LINGO2: variants seen among roughly 807,000 people sequenced by gnomAD.
The protein encoded by LINGO2 is leucine-rich repeat and immunoglobulin-like domain-containing nogo receptor-interacting protein 2.
A neutral mutation model predicts 30.6 loss-of-function variants in LINGO2; 14 were observed. That is an observed-to-expected ratio of 0.46 (90% CI 0.30 to 0.72). The LOEUF (loss-of-function observed/expected upper bound fraction) is 0.72, where lower values mean the gene tolerates loss of function less well. Ranked by LOEUF, LINGO2 falls within the 30% of genes least tolerant of loss-of-function variation. The probability of loss-of-function intolerance (pLI) is 0.07; values close to 1 mark genes in which losing one functional copy is unlikely to be tolerated. For missense variants in LINGO2, 729 were observed against 751.7 expected, an observed-to-expected ratio of 0.97 and a Z score of 0.35; for synonymous variants, 317 against 288.5, an observed-to-expected ratio of 1.10 and a Z score of -1.00.
chr9:28,556,365 G>C (rs1429009225), intron 1 of LINGO2, among the ~76,000 whole-genome samples: 5 of 151,966 alleles, frequency 3.3e-5, no homozygotes, highest in Non-Finnish European at 5.9e-5. Context: ...GACAAACAGA[G>C]AGCCAAATCA....
the LINGO2 span, among the ~76,000 whole-genome samples, chr9:28,795,664 CTG>C: frequency 0.015 from 2,250 of 151,926 alleles, 47 homozygotes; most frequent in African/African-American, 0.05. Flanking sequence ...AATATAAAGA[CTG>C]TGCATCCATA....
At chr9:29,068,386 C>T in the LINGO2 span, among the ~76,000 whole-genome samples, 1 of 151,348 alleles carries the variant, frequency 6.6e-6, no homozygotes, top group Admixed American at 6.6e-5. Flanking sequence ...TTTTTTAAAC[C>T]ACAAATACTA....
intron 4 of LINGO2, among the ~76,000 whole-genome samples, chr9:28,211,413 T>A (rs2133860147): frequency 6.6e-6 from 1 of 150,452 alleles, no homozygotes; most frequent in Admixed American, 6.7e-5. Flanking sequence ...ATACACACAA[T>A]AATTTTAAAG....
chr9:29,044,688 AT>A, the LINGO2 span, among the ~76,000 whole-genome samples: 6 of 152,148 alleles, frequency 3.9e-5, no homozygotes, highest in South Asian at 1.2e-3. Context: ...AGTAACCTAA[AT>A]TTTTAAATAT....
the LINGO2 span, among the ~76,000 whole-genome samples, chr9:28,792,299 C>T: frequency 6.6e-6 from 1 of 151,906 alleles, no homozygotes; most frequent in Non-Finnish European, 1.5e-5. Flanking sequence ...GGAAAATGGA[C>T]ACTGATTATT....
At chr9:28,858,821 G>A in the LINGO2 span, among the ~76,000 whole-genome samples, 1 of 152,042 alleles carries the variant, frequency 6.6e-6, no homozygotes, top group Non-Finnish European at 1.5e-5. Context: ...AGAATTGAAT[G>A]GGAAGGTTAT....
chr9:28,390,809 G>A (rs191747177), intron 2 of LINGO2, among the ~76,000 whole-genome samples: 7 of 152,222 alleles, frequency 4.6e-5, no homozygotes, highest in Non-Finnish European at 7.4e-5. Context: ...AGACATTATC[G>A]TGATGCTCTT....
At chr9:28,882,363 T>C in the LINGO2 span, among the ~76,000 whole-genome samples, 1 of 152,172 alleles carries the variant, frequency 6.6e-6, no homozygotes. Context: ...GTCCTGAGTT[T>C]GAACTCCAGC....
chr9:28,220,045 T>G (rs1483793000), intron 4 of LINGO2, among the ~76,000 whole-genome samples: 1 of 152,156 alleles, frequency 6.6e-6, no homozygotes, highest in African/African-American at 2.4e-5. Flanking sequence ...CCATACACAG[T>G]GCAGTATAAC....
At chr9:28,049,600 A>C (rs960611452) in intron 4 of LINGO2, among the ~76,000 whole-genome samples, 1 of 150,710 alleles carries the variant, frequency 6.6e-6, no homozygotes, top group Non-Finnish European at 1.5e-5. Flanking sequence ...ACCGCTTATT[A>C]GCTTATTATT....
At chr9:27,971,497 T>C (rs769916076) in intron 5 of LINGO2, among the ~76,000 whole-genome samples, 10 of 152,140 alleles carry the variant, frequency 6.6e-5, no homozygotes, top group Non-Finnish European at 1.0e-4. Flanking sequence ...ATTCTTCTGC[T>C]TCAGCCACCC....
chr9:28,981,482 T>C, the LINGO2 span, among the ~76,000 whole-genome samples: 13 of 152,270 alleles, frequency 8.5e-5, no homozygotes, highest in East Asian at 2.3e-3. Context: ...TCTGACTCTC[T>C]GCTGTTATGG....
Position 28,209,162 on chromosome 9 carries a change from G to A in LINGO2, c.-87+86046C>T, listed in dbSNP as rs539607050. On this transcript the variant is annotated intron_variant, in intron 4 of 5. Transcript: ENST00000379992. The stretch of plus-strand genomic sequence containing the variant: ...TCCCAATTTTTCAAAGCGTCCTTTC[G>A]TGATCTTATTTATCCATTCTCTAAA... 3.3e-5 allele frequency among the ~76,000 whole-genome samples: 5 copies of A among 152,084 alleles called. No individual in the cohort carries two copies. In the South Asian group the frequency reaches 1.0e-3, roughly 32 times the overall value.
chr9:29,151,131 A>T, the LINGO2 span, among the ~76,000 whole-genome samples: 1 of 152,198 alleles, frequency 6.6e-6, no homozygotes, highest in East Asian at 1.9e-4. Flanking sequence ...AAAAAAAAAA[A>T]ATTTCAACCA....
At chr9:28,107,829 G>A (rs898305219) in intron 4 of LINGO2, among the ~76,000 whole-genome samples, 3 of 152,028 alleles carry the variant, frequency 2.0e-5, no homozygotes, top group Non-Finnish European at 4.4e-5. Context: ...TCATATGCTT[G>A]GCTACTTTTG....
At chr9:28,626,748 C>CT (rs1826697891) in intron 1 of LINGO2, among the ~76,000 whole-genome samples, 1 of 151,868 alleles carries the variant, frequency 6.6e-6, no homozygotes, top group South Asian at 2.1e-4. Context: ...TTCAGCTTCA[C>CT]TGATTGTTTT....
chr9:29,019,395 G>C, the LINGO2 span, among the ~76,000 whole-genome samples: 1 of 152,134 alleles, frequency 6.6e-6, no homozygotes, highest in Non-Finnish European at 1.5e-5. Context: ...AGGCATTACA[G>C]TTTTCAGTTT....
chr9:28,428,148 T>C (rs10968589), intron 2 of LINGO2, among the ~76,000 whole-genome samples: 19,290 of 152,158 alleles, frequency 0.13, 1,416 homozygotes, highest in East Asian at 0.24. Context: ...GTTATAGCCA[T>C]GTATCACTCC....
the LINGO2 span, among the ~76,000 whole-genome samples, chr9:28,770,209 A>T: frequency 6.6e-6 from 1 of 152,194 alleles, no homozygotes; most frequent in Admixed American, 6.5e-5. Flanking sequence ...GTCCCTTTAG[A>T]TCTTCTTACT....
Sources: allele counts gnomAD v4.1 joint callset (sites outside exome capture counted in the v4.1 genomes callset), GRCh38; gene constraint gnomAD v4.1.1; transcripts MANE v1.5; gene names NCBI Gene and HGNC (gene_info 2026-07-23, HGNC 2026-07-21).